CERT1: variants seen among roughly 807,000 people sequenced by gnomAD.
The protein encoded by CERT1 is ceramide transfer protein.
CERT1 carries 31 observed loss-of-function variants against 87.9 expected under a neutral mutation model. That is an observed-to-expected ratio of 0.35 (90% CI 0.27 to 0.48). The LOEUF is 0.48. CERT1 is among the 20% of genes least tolerant of loss of function. The pLI is 0.99. For missense variants in CERT1, 487 were observed against 758.0 expected (o/e 0.64, Z 4.20); for synonymous variants, 289 against 250.9 (o/e 1.15, Z -1.44).
Position 75,409,373 on chromosome 5 carries a change from C to T in CERT1, c.930+1638G>A, listed in dbSNP as rs913208182. Among the ~76,000 whole-genome samples, 32 of 152,226 alleles carry T rather than the reference C, an allele frequency of 2.1e-4. 1 individual carries two copies. Among genetic ancestry groups the T allele is most frequent in the Non-Finnish European group, 2.9e-5 (2 of 68,050 alleles). On this transcript the variant is annotated intron_variant, in intron 8 of 16. Coordinates refer to ENST00000643780, the MANE Select transcript of CERT1 (RefSeq NM_001379029.1). Reference sequence around the variant, plus strand: ...ATTCCAATGCAAAAAAATTCAGCAACAGCAGAGCAGCTGTTTAGTTTTCCT... The same window carrying T: ...ATTCCAATGCAAAAAAATTCAGCAATAGCAGAGCAGCTGTTTAGTTTTCCT...
chr5:75,493,340 G>T (rs956340173), intron 2 of CERT1, among the ~76,000 whole-genome samples: 1 of 152,170 alleles, frequency 6.6e-6, no homozygotes, highest in Admixed American at 6.5e-5. Flanking sequence ...ATGTAAGTAT[G>T]CATCTCTAAA....
chr5:75,475,902 A>C (rs1765931678), intron 2 of CERT1, among the ~76,000 whole-genome samples: 1 of 152,124 alleles, frequency 6.6e-6, no homozygotes, highest in South Asian at 2.1e-4. Flanking sequence ...ATTTCACTGG[A>C]TTTTTGAGAG....
At chr5:75,492,860 A>C (rs1195862987) in intron 2 of CERT1, among the ~76,000 whole-genome samples, 1 of 152,200 alleles carries the variant, frequency 6.6e-6, no homozygotes, top group Non-Finnish European at 1.5e-5. Context: ...TGCTTTAGGA[A>C]AGTGGTTCTC....
chr5:75,451,853 A>C (rs1580790080), intron 3 of CERT1, among the ~76,000 whole-genome samples: 1 of 152,340 alleles, frequency 6.6e-6, no homozygotes, highest in East Asian at 1.9e-4. Context: ...ACAGCAAATC[A>C]AACTGACTCT....
intron 3 of CERT1, among the ~76,000 whole-genome samples, chr5:75,435,326 C>G (rs138664176): frequency 6.6e-6 from 1 of 152,180 alleles, no homozygotes; most frequent in East Asian, 1.9e-4. Flanking sequence ...ATCTTTCAAC[C>G]CTTGGACTGT....
intron 2 of CERT1, among the ~76,000 whole-genome samples, chr5:75,489,087 C>T (rs1766657508): frequency 6.6e-6 from 1 of 152,118 alleles, no homozygotes; most frequent in African/African-American, 2.4e-5. Context: ...TCAGAAATAA[C>T]ACCCACACAT....
At chr5:75,478,992 T>C (rs1196314940) in intron 2 of CERT1, among the ~76,000 whole-genome samples, 2 of 149,378 alleles carry the variant, frequency 1.3e-5, no homozygotes, top group Admixed American at 6.7e-5. Context: ...GTGCTTCTAT[T>C]AGCCATATCT....
chr5:75,409,429 TTC>T (rs1294796019), intron 8 of CERT1, among the ~76,000 whole-genome samples: 2 of 152,272 alleles, frequency 1.3e-5, no homozygotes, highest in African/African-American at 4.8e-5. Context: ...GAAAAAATTC[TTC>T]TGTTTTCATA....
Position 75,410,836 on chromosome 5 carries a change from T to C in CERT1, c.930+175A>G, listed in dbSNP as rs10067900. 53,657 of 402,572 alleles carry C rather than the reference T, an allele frequency of 0.13. 4,002 individuals carry two copies. Among genetic ancestry groups the C allele is most frequent in the East Asian group, 0.25 (6,075 of 24,632 alleles). The allele number at this position is 402,572 out of a possible 1,614,324, so 24.9% of individuals were successfully genotyped here. On this transcript the variant is annotated intron_variant, in intron 8 of 16. Transcript: ENST00000643780. ...AACTTTGTAGGCAATAAGAAATATA[T>C]ATTTGAGCATGCCTGGCATTTATAT...
intron 2 of CERT1, among the ~76,000 whole-genome samples, chr5:75,485,300 T>A (rs1580838463): frequency 4.6e-5 from 1 of 21,636 alleles, no homozygotes; most frequent in Admixed American, 7.0e-4. Context: ...AGACACTGTC[T>A]ACACAAAAAT....
chr5:75,433,396 G>C (rs77605354), intron 3 of CERT1, among the ~76,000 whole-genome samples: 7,089 of 152,222 alleles, frequency 0.047, 222 homozygotes, highest in South Asian at 0.074. Context: ...TCTCATTGTA[G>C]AGATCTTTAA....
chr5:75,506,262 T>C, intron 1 of CERT1, 146 bp from the exon 2 acceptor site: 2 of 596,188 alleles, frequency 3.4e-6, no homozygotes, highest in Non-Finnish European at 5.4e-6. Context: ...GTAAAATGAT[T>C]ACAAAAAGTG....
chr5:75,486,935 C>T (rs1766552008), intron 2 of CERT1, among the ~76,000 whole-genome samples: 1 of 151,960 alleles, frequency 6.6e-6, no homozygotes, highest in South Asian at 2.1e-4. Context: ...TTGATGCAAT[C>T]CCTATCAAAA....
chr5:75,477,647 T>TAAAAAAAAAAAAAAAAAAGAA, intron 2 of CERT1, among the ~76,000 whole-genome samples: 1 of 89,528 alleles, frequency 1.1e-5, no homozygotes, highest in South Asian at 4.2e-4. Context: ...TAATAAGTTG[T>TAAAAAAAAAAAAAAAAAAGAA]AAAAAAAAAA....
upstream of CERT1, chr5:75,511,894 G>A: frequency 7.0e-7 from 1 of 1,436,234 alleles, no homozygotes; most frequent in Non-Finnish European, 9.5e-7. Flanking sequence ...GGGAGTTGTA[G>A]TCGCGATCCT....
intron 2 of CERT1, among the ~76,000 whole-genome samples, chr5:75,460,693 A>G (rs1765187541): frequency 6.6e-6 from 1 of 152,206 alleles, no homozygotes; most frequent in Non-Finnish European, 1.5e-5. Context: ...AACACAATTT[A>G]CATCCTGTAC....
Position 75,379,317 on chromosome 5 carries a change from T to TA in CERT1, c.*28dup. 1.9e-6 allele frequency: 3 copies of TA among 1,567,512 alleles called. No homozygotes were observed. Among genetic ancestry groups the TA allele is most frequent in the Non-Finnish European group, 2.6e-6 (3 of 1,155,064 alleles). ...TTAGTCAAATAAAGTTAAAAAAAGA[T>TA]AAAACATATCTTCTAGTACCTGTTA... On this transcript the variant is annotated 3_prime_UTR_variant, in exon 17 of 17. Transcript: ENST00000643780.
intron 7 of CERT1, 43 bp downstream of exon 7, chr5:75,416,832 AC>A: frequency 2.0e-6 from 3 of 1,499,098 alleles, no homozygotes. Flanking sequence ...AATACGTAAA[AC>A]TTAAATGTGA....
chr5:75,406,580 G>T, intron 8 of CERT1, among the ~76,000 whole-genome samples: 1 of 142,920 alleles, frequency 7.0e-6, no homozygotes, highest in Admixed American at 7.2e-5. Flanking sequence ...TCAGTTGGTT[G>T]CCCAGGCTGG....
Sources: gnomAD v4.1 joint callset for allele counts (sites outside exome capture counted in the v4.1 genomes callset) on GRCh38, gnomAD v4.1.1 for gene constraint, MANE v1.5 for transcripts, NCBI Gene and HGNC (gene_info 2026-07-23, HGNC 2026-07-21) for gene names.